ASB4: variants seen among roughly 807,000 people sequenced by gnomAD.
ASB4 encodes the protein ankyrin repeat and SOCS box protein 4.
Under a neutral mutation model 38.6 loss-of-function variants are expected in ASB4, and 35 were observed. That is an observed-to-expected ratio of 0.91 (90% CI 0.69 to 1.20). The LOEUF (loss-of-function observed/expected upper bound fraction) is 1.20. ASB4 is among the 50% of genes most tolerant of loss of function. ASB4 has a pLI of 0.00. For synonymous variants in ASB4, 195 were observed against 201.3 expected, an observed-to-expected ratio of 0.97 and a Z score of 0.26; for missense variants, 557 against 527.2, an observed-to-expected ratio of 1.06 and a Z score of -0.55.
At chr7:95,517,681 A>C (rs1790603343) in intron 2 of ASB4, among the ~76,000 whole-genome samples, 1 of 152,184 alleles carries the variant, frequency 6.6e-6, no homozygotes, top group Non-Finnish European at 1.5e-5. Context: ...GAAGGTTGAA[A>C]AATGTAGATA....
chr7:95,495,858 C>T lies in ASB4; in HGVS notation c.288C>T (p.Asp96=), dbSNP rs1333225913. 1 of 1,613,794 alleles carries T rather than the reference C, an allele frequency of 6.2e-7. No homozygotes were observed. Among genetic ancestry groups the T allele is most frequent in the Non-Finnish European group, 8.5e-7 (1 of 1,180,010 alleles). ...TGGAATGTCTTCTGGTGCTACTGGA[C>T]CACAATGCTACAATCAACTGTAGAC... ...GHVECLLVLL[D]HNATINCRPN... is the part of the protein sequence containing the mutation. Residue 96 remains aspartate (D), a synonymous_variant, in exon 2 of 5, where the codon GAC becomes GAT. Transcript: ENST00000325885.
In ASB4 at chr7:95,528,112, T is replaced by C; in HGVS notation, c.787T>C (p.Cys263Arg). 1 of 1,614,210 alleles carries C rather than the reference T, an allele frequency of 6.2e-7. No homozygotes were observed. The highest frequency in any genetic ancestry group is 1.1e-5 in the South Asian group (1 of 91,084). Residue 263 changes from cysteine to arginine, a missense_variant, in exon 3 of 5, where the codon TGT (cysteine) becomes CGT (arginine). Physicochemically the swap from Cys to Arg is radical, Grantham distance 180. Coordinates refer to ENST00000325885, the MANE Select transcript of ASB4 (RefSeq NM_016116.3). ...KSPLHKAAWN[C>R]DHVLMHMMLE... Reference sequence around the variant, plus strand: ...TCCCCTCCACAAGGCAGCCTGGAACTGTGACCACGTGCTCATGCACATGAT... The same window carrying C: ...TCCCCTCCACAAGGCAGCCTGGAACCGTGACCACGTGCTCATGCACATGAT...
chr7:95,512,797 T>C (rs1443907307), intron 2 of ASB4, among the ~76,000 whole-genome samples: 1 of 152,166 alleles, frequency 6.6e-6, no homozygotes, highest in Non-Finnish European at 1.5e-5. Flanking sequence ...CCTGTGTACG[T>C]CAGTCTTCTT....
At chr7:95,480,280 C>T (rs1490858939) in intron 1 of ASB4, among the ~76,000 whole-genome samples, 2 of 152,084 alleles carry the variant, frequency 1.3e-5, no homozygotes, top group African/African-American at 2.4e-5. Flanking sequence ...TGTAGCCCCT[C>T]CACTGGTATA....
intron 3 of ASB4, among the ~76,000 whole-genome samples, chr7:95,529,307 TAAC>T (rs972644246): frequency 6.6e-6 from 1 of 152,182 alleles, no homozygotes; most frequent in African/African-American, 2.4e-5. Context: ...AAAATTTAAT[TAAC>T]AACAAGAAGA....
At chr7:95,518,064 G>A (rs35122394) in intron 2 of ASB4, among the ~76,000 whole-genome samples, 8,680 of 152,246 alleles carry the variant, frequency 0.057, 329 homozygotes, top group Non-Finnish European at 0.079. Flanking sequence ...TCCCCTAAAA[G>A]GATAGAGAGA....
At chr7:95,524,678 T>A (rs981510867) in intron 2 of ASB4, among the ~76,000 whole-genome samples, 1 of 152,182 alleles carries the variant, frequency 6.6e-6, no homozygotes, top group Non-Finnish European at 1.5e-5. Context: ...ATTACTTAAG[T>A]TATGTTAAAA....
At chr7:95,543,523 C>A (rs2116668362), downstream of ASB4, 1 of 152,294 alleles carries the variant, frequency 6.6e-6, no homozygotes, top group Non-Finnish European at 1.5e-5. Flanking sequence ...GAGTCGAGGG[C>A]AGATAGAAGC....
At chr7:95,510,556 C>T (rs1034709496) in intron 2 of ASB4, among the ~76,000 whole-genome samples, 1 of 152,154 alleles carries the variant, frequency 6.6e-6, no homozygotes, top group Non-Finnish European at 1.5e-5. Flanking sequence ...TAGATGTTAG[C>T]ATTTTTCTTT....
At chr7:95,525,195 T>C (rs1790720434) in intron 2 of ASB4, among the ~76,000 whole-genome samples, 1 of 152,120 alleles carries the variant, frequency 6.6e-6, no homozygotes, top group Admixed American at 6.5e-5. Context: ...CTCCAAAGTC[T>C]CTGGAAGAAA....
Position 95,538,672 on chromosome 7 carries a change from T to C in ASB4, c.*913T>C, listed in dbSNP as rs962679935. On this transcript the variant is annotated 3_prime_UTR_variant, in exon 5 of 5. Transcript: ENST00000325885. ...GGGTATTTTTAAGGTTTTTTCTAGA[T>C]AGTGTGTCTTTTTGGTATGGTTTCT... 41 of 152,204 alleles carry C rather than the reference T, an allele frequency of 2.7e-4. No individual in the cohort carries two copies. The highest frequency in any genetic ancestry group is 9.6e-4 in the African/African-American group (40 of 41,454). 9.4% of individuals were successfully genotyped at this position (152,204 alleles called of 1,614,324 possible).
chr7:95,482,379 C>A (rs1562806842), upstream of ASB4, among the ~76,000 whole-genome samples: 1 of 152,084 alleles, frequency 6.6e-6, no homozygotes, highest in Non-Finnish European at 1.5e-5. Flanking sequence ...TAAAGCAATG[C>A]TTTAAAATTT....
chr7:95,512,616 G>T (rs1240748482), intron 2 of ASB4, among the ~76,000 whole-genome samples: 1 of 151,560 alleles, frequency 6.6e-6, no homozygotes, highest in Admixed American at 6.6e-5. Context: ...AGATACAAAG[G>T]TACATAAAAT....
At chr7:95,497,904 A>G (rs1790274473) in intron 2 of ASB4, among the ~76,000 whole-genome samples, 1 of 152,214 alleles carries the variant, frequency 6.6e-6, no homozygotes, top group African/African-American at 2.4e-5. Flanking sequence ...TTGTATACAC[A>G]TAACAAAATT....
chr7:95,475,676 GC>G (rs1789970572), upstream of ASB4, among the ~76,000 whole-genome samples: 1 of 152,196 alleles, frequency 6.6e-6, no homozygotes, highest in Non-Finnish European at 1.5e-5. Flanking sequence ...GAGCCACCGT[GC>G]CCGGCCTTGA....
At chr7:95,525,285 A>G (rs1584090478) in intron 2 of ASB4, among the ~76,000 whole-genome samples, 1 of 152,206 alleles carries the variant, frequency 6.6e-6, no homozygotes, top group African/African-American at 2.4e-5. Flanking sequence ...TAAGCTACCC[A>G]GTGTGTGGTA....
At chr7:95,472,089 G>A in the ASB4 span, 24 of 152,162 alleles carry the variant, frequency 1.6e-4, no homozygotes, top group African/African-American at 5.8e-4. Flanking sequence ...GGTGGTGGGA[G>A]GGGACTTACA....
At chr7:95,503,891 A>AT (rs930788861) in intron 2 of ASB4, among the ~76,000 whole-genome samples, 2 of 152,082 alleles carry the variant, frequency 1.3e-5, no homozygotes, top group African/African-American at 4.8e-5. Context: ...ATTTTCCCCT[A>AT]TTTTTTCAGT....
rs747338564 is a variant in ASB4 at position 95,485,979 on chromosome 7, G to C, written c.8G>C (p.Gly3Ala). 3 of 1,613,378 alleles carry C rather than the reference G, an allele frequency of 1.9e-6. No homozygotes were observed. The highest frequency in any genetic ancestry group is 1.1e-5 in the South Asian group (1 of 91,012). The change falls in exon 1 of 5, where the codon GGC becomes GCC. Residue 3 changes from glycine to alanine, a missense_variant. Physicochemically the swap from Gly to Ala is moderately conservative, Grantham distance 60 (BLOSUM62 0). Transcript: ENST00000325885. MD[G>A]TTAPVTKSGA... Reference sequence around the variant, plus strand: ...TCCAGAGGGAGAGGAAGGATGGACGGCACCACTGCCCCTGTCACTAAATCT... The same window carrying C: ...TCCAGAGGGAGAGGAAGGATGGACGCCACCACTGCCCCTGTCACTAAATCT...
Sources: allele counts gnomAD v4.1 joint callset (sites outside exome capture counted in the v4.1 genomes callset), GRCh38; gene constraint gnomAD v4.1.1; transcripts MANE v1.5; gene names NCBI Gene and HGNC (gene_info 2026-07-23, HGNC 2026-07-21).